The following FAM83F variants were observed in gnomAD, a reference collection of about 807,000 sequenced individuals.
FAM83F encodes protein FAM83F.
Under a neutral mutation model 42.9 loss-of-function variants are expected in FAM83F, and 45 were observed. That is an observed-to-expected ratio of 1.05 (90% CI 0.83 to 1.35). The LOEUF is 1.35. Among genes scored for constraint, FAM83F ranks in the 40% most tolerant of loss-of-function variants. The pLI is 0.00. For missense variants in FAM83F, 617 were observed against 695.9 expected (o/e 0.89, Z 1.28); for synonymous variants, 306 against 298.3 (o/e 1.03, Z -0.27).
Position 40,039,910 on chromosome 22 carries a change from C to G in FAM83F, c.*10345C>G, listed in dbSNP as rs1408234522. The G allele has an allele frequency of 6.6e-6, 1 of 152,184 alleles. No individual in the cohort carries two copies. The highest frequency in any genetic ancestry group is 1.5e-5 in the Non-Finnish European group (1 of 68,056). The allele number at this position is 152,184 out of a possible 1,614,324, so 9.4% of individuals were successfully genotyped here. A position where few individuals can be genotyped will look rare whatever the true frequency, so the allele number is the denominator to read the frequency against. On this transcript the variant is annotated 3_prime_UTR_variant, in exon 5 of 5. Coordinates refer to ENST00000333407, the MANE Select transcript of FAM83F (RefSeq NM_138435.4). The stretch of plus-strand genomic sequence containing the variant: ...GAAATGAATTTCAGTAGAGTTAGGG[C>G]TAGAAGCCAGGTTCAGAGAGAGAAA...
chr22:40,002,151 T>A (rs2067405858), intron 1 of FAM83F, among the ~76,000 whole-genome samples: 2 of 152,186 alleles, frequency 1.3e-5, no homozygotes, highest in African/African-American at 4.8e-5. Flanking sequence ...TCCTTGTTCC[T>A]AAAGCGGGGG....
In FAM83F at chr22:40,041,714, T is replaced by C. The variant is rs1161240186; in HGVS notation, c.*12149T>C. On this transcript the variant is annotated 3_prime_UTR_variant, in exon 5 of 5. Transcript: ENST00000333407. ...ACTGTTTGTTGGAAGAAGAAACTCA[T>C]TTGTGGGTCTGTTCATAAAAGAGTC... 6.6e-6 allele frequency: 1 copy of C among 152,174 alleles called. No homozygotes were observed. The highest frequency in any genetic ancestry group is 1.9e-4 in the East Asian group (1 of 5,202). 9.4% of individuals were successfully genotyped at this position (152,174 alleles called of 1,614,324 possible). A position where few individuals can be genotyped will look rare whatever the true frequency, so the allele number is the denominator to read the frequency against.
At chr22:40,012,176 C>A (rs1338105773) in intron 1 of FAM83F, among the ~76,000 whole-genome samples, 1 of 151,868 alleles carries the variant, frequency 6.6e-6, no homozygotes, top group Non-Finnish European at 1.5e-5. Flanking sequence ...CTCTTGTCAC[C>A]CAGGCTGGAG....
At chr22:40,005,509 A>G (rs2067422834) in intron 1 of FAM83F, among the ~76,000 whole-genome samples, 1 of 152,256 alleles carries the variant, frequency 6.6e-6, no homozygotes, top group South Asian at 2.1e-4. Flanking sequence ...CTGGCAGGTC[A>G]CAACACGTGG....
chr22:40,029,084 TG>T, intron 4 of FAM83F, among the ~76,000 whole-genome samples: 1 of 10,878 alleles, frequency 9.2e-5, no homozygotes, highest in African/African-American at 3.9e-4. Context: ...GCTAGACGTG[TG>T]TGTGTGTGTG....
chr22:40,020,102 T>C, intron 3 of FAM83F, 94 bp downstream of exon 3: 2 of 1,490,006 alleles, frequency 1.3e-6, no homozygotes, highest in Non-Finnish European at 1.8e-6. Context: ...TCATCATGAG[T>C]GTGTAACAGG....
intron 1 of FAM83F, among the ~76,000 whole-genome samples, chr22:40,015,758 C>G (rs1463786842): frequency 6.6e-6 from 1 of 152,224 alleles, no homozygotes; most frequent in Non-Finnish European, 1.5e-5. Flanking sequence ...TCCGCTCACC[C>G]ACTCACCCCA....
Position 40,040,379 on chromosome 22 carries a change from T to C in FAM83F, c.*10814T>C, listed in dbSNP as rs1381605137. On this transcript the variant is annotated 3_prime_UTR_variant, in exon 5 of 5. Transcript: ENST00000333407. ...GGATAACAATGGTTGTTGTGAAGATTAACAGCCATAATCCACGTAAAGCCC... is the reference window on the plus strand; with the variant it reads ...GGATAACAATGGTTGTTGTGAAGATCAACAGCCATAATCCACGTAAAGCCC... 1.3e-5 allele frequency: 2 copies of C among 152,148 alleles called. No individual in the cohort carries two copies. The highest frequency in any genetic ancestry group is 4.1e-4 in the South Asian group (2 of 4,830). The allele number at this position is 152,148 out of a possible 1,614,324, so 9.4% of individuals were successfully genotyped here.
intron 1 of FAM83F, among the ~76,000 whole-genome samples, chr22:40,008,133 G>T (rs1296356354): frequency 1.3e-5 from 2 of 152,236 alleles, no homozygotes; most frequent in Non-Finnish European, 2.9e-5. Context: ...ATTAGTTCAA[G>T]TTTTGACCTT....
Position 39,995,168 on chromosome 22 carries a change from C to T in FAM83F, c.126C>T (p.Gly42=). Residue 42 remains glycine (G), a synonymous_variant, in exon 1 of 5, where the codon GGC becomes GGT. Transcript: ENST00000333407. The surrounding 1 kb of genome is among the most constrained non-coding windows in gnomAD (Gnocchi z 4.6). ...RAALEALLGG[G]EQAYRERLKE... ...CGCTGGAGGCGCTGCTGGGCGGCGG[C>T]GAGCAGGCCTACCGCGAGCGGCTCA... 1 of 1,405,078 alleles carries T rather than the reference C, an allele frequency of 7.1e-7. No individual in the cohort carries two copies. Among genetic ancestry groups the T allele is most frequent in the South Asian group, 1.6e-5 (1 of 64,080 alleles). 87.0% of individuals were successfully genotyped at this position (1,405,078 alleles called of 1,614,324 possible).
At chr22:40,007,071 C>T (rs1231597574) in intron 1 of FAM83F, among the ~76,000 whole-genome samples, 4 of 151,932 alleles carry the variant, frequency 2.6e-5, no homozygotes, top group South Asian at 2.1e-4. Flanking sequence ...TCACAGCCTG[C>T]GTGGAATCTG....
rs573428112 is a variant in FAM83F at position 40,023,170 on chromosome 22, C to T, written c.1453+1207C>T. On this transcript the variant is annotated intron_variant, in intron 4 of 4. Transcript: ENST00000333407. The surrounding 1 kb of genome is among the most constrained non-coding windows in gnomAD (Gnocchi z 4.1). ...TCTCCCCTTCTGCCCCCACAACCAC[C>T]CTTCAAGCACAGAGGTGGCAGATGG... Among the ~76,000 whole-genome samples the T allele has an allele frequency of 3.7e-4, 57 of 152,346 alleles. No individual in the cohort carries two copies. The highest frequency in any genetic ancestry group is 1.3e-3 in the African/African-American group (56 of 41,566).
chr22:39,994,958 C>G lies in FAM83F; in HGVS notation c.-85C>G. ...GAGCTCGCGGCCAGGTGAGGCGCCC[C>G]GCCCCTCGGCGGCTCCAGGTGCGGC... On this transcript the variant is annotated 5_prime_UTR_variant, in exon 1 of 5. Coordinates refer to ENST00000333407, the MANE Select transcript of FAM83F (RefSeq NM_138435.4). 8.6e-7 allele frequency: 1 copy of G among 1,163,592 alleles called. No homozygotes were observed. The highest frequency in any genetic ancestry group is 1.6e-5 in the African/African-American group (1 of 61,496). 72.1% of individuals were successfully genotyped at this position (1,163,592 alleles called of 1,614,324 possible).
At position 39,995,633 on chromosome 22, in the gene FAM83F, A is replaced by G. The variant is rs1208178029; in HGVS notation, c.489+102A>G. The G allele has an allele frequency of 2.1e-6, 3 of 1,431,352 alleles. No individual in the cohort carries two copies. In the African/African-American group the frequency reaches 4.3e-5, roughly 21 times the overall value. The allele number at this position is 1,431,352 out of a possible 1,614,324, so 88.7% of individuals were successfully genotyped here. A position where few individuals can be genotyped will look rare whatever the true frequency, so the allele number is the denominator to read the frequency against. On this transcript the variant is annotated intron_variant, in intron 1 of 4. Transcript: ENST00000333407. This position sits in a 1 kb window ranked among gnomAD's most constrained non-coding sequence, Gnocchi z 4.6. ...GGGCCCGGGGCAGGCCGCCCTGAGC[A>G]CCCTCTGGAAAATGGGCCCCAACCC...
intron 1 of FAM83F, among the ~76,000 whole-genome samples, chr22:40,007,557 T>C (rs1299410148): frequency 2.2e-4 from 1 of 4,554 alleles, no homozygotes; most frequent in African/African-American, 5.2e-4. Context: ...CTCCTCCTCC[T>C]CTCCTCTCCT....
In FAM83F at chr22:40,023,683, C is replaced by T. The variant is rs1480898430; in HGVS notation, c.1453+1720C>T. Among the ~76,000 whole-genome samples, 1 of 152,248 alleles carries T rather than the reference C, an allele frequency of 6.6e-6. No homozygotes were observed. Among genetic ancestry groups the T allele is most frequent in the African/African-American group, 2.4e-5 (1 of 41,470 alleles). On this transcript the variant is annotated intron_variant, in intron 4 of 4. Coordinates refer to ENST00000333407, the MANE Select transcript of FAM83F (RefSeq NM_138435.4). This position sits in a 1 kb window ranked among gnomAD's most constrained non-coding sequence, Gnocchi z 4.1. ...CACGGCGGCCCTGCCCCTGCTGCCG[C>T]TCTCTGGTGTCTGCACATGGTGCCC...
chr22:40,025,027 T>C (rs1290053547), intron 4 of FAM83F, among the ~76,000 whole-genome samples: 1 of 151,830 alleles, frequency 6.6e-6, no homozygotes, highest in African/African-American at 2.4e-5. Context: ...CTGCTGGGAG[T>C]GTTCATCCCT....
rs1366499590 is a variant in FAM83F, at chr22:40,038,024, T to G, written c.*8459T>G. Reference sequence around the variant, plus strand: ...TGAGCCACTGCACCTGCTCAACATTTAATTTTTTCATTCATTCATTCGTTC... The same window carrying G: ...TGAGCCACTGCACCTGCTCAACATTGAATTTTTTCATTCATTCATTCGTTC... On this transcript the variant is annotated 3_prime_UTR_variant, in exon 5 of 5. Transcript: ENST00000333407. The G allele has an allele frequency of 6.6e-6, 1 of 152,270 alleles. No homozygotes were observed. The allele number at this position is 152,270 out of a possible 1,614,324, so 9.4% of individuals were successfully genotyped here.
Position 40,001,937 on chromosome 22 carries a change from G to T in FAM83F, c.489+6406G>T, listed in dbSNP as rs1339424880. The stretch of plus-strand genomic sequence containing the variant: ...GTTTCCACCTTTGAGCGAGACAGGA[G>T]TGGCTGCCCACAGCCCTCCCAGCCG... On this transcript the variant is annotated intron_variant, in intron 1 of 4. Transcript: ENST00000333407. Among the ~76,000 whole-genome samples the T allele has an allele frequency of 4.6e-5, 7 of 152,214 alleles. 1 individual carries two copies. The East Asian group carries it at 1.3e-3, about 29-fold the overall frequency.
Sources: gnomAD v4.1 joint callset for allele counts (sites outside exome capture counted in the v4.1 genomes callset) on GRCh38, gnomAD v4.1.1 for gene constraint, Gnocchi (gnomAD v3.1) non-coding constraint, MANE v1.5 for transcripts, NCBI Gene and HGNC (gene_info 2026-07-23, HGNC 2026-07-21) for gene names.